STXBP5: variants seen among roughly 807,000 people sequenced by gnomAD.
STXBP5 encodes the protein syntaxin binding protein 5.
In STXBP5, 50 loss-of-function variants were observed where a neutral mutation model predicts 152.4. That is an observed-to-expected ratio of 0.33 (90% CI 0.26 to 0.42). The LOEUF (loss-of-function observed/expected upper bound fraction) is 0.42. Ranked by LOEUF, STXBP5 falls within the 10% of genes least tolerant of loss-of-function variation. The pLI is 1.00. For synonymous variants in STXBP5, 492 were observed against 494.7 expected (o/e 0.99, Z 0.07); for missense variants, 1,167 against 1,388.6 (o/e 0.84, Z 2.54).
intron 22 of STXBP5, among the ~76,000 whole-genome samples, chr6:147,354,741 A>G (rs1379634801): frequency 6.6e-6 from 1 of 152,192 alleles, no homozygotes; most frequent in African/African-American, 2.4e-5. Context: ...TAATTTAATT[A>G]AAGTATGTAC....
chr6:147,311,070 T>C (rs180979511), intron 10 of STXBP5, among the ~76,000 whole-genome samples: 15 of 152,278 alleles, frequency 9.9e-5, no homozygotes, highest in African/African-American at 3.1e-4. Flanking sequence ...TTTACAGTTA[T>C]TGACAGGCAC....
Position 147,382,890 on chromosome 6 carries a change from A to T in STXBP5, c.3306A>T (p.Ala1102=). The change falls in exon 27 of 28, where the codon GCA becomes GCT. Residue 1102 remains alanine (A), a synonymous_variant. Transcript: ENST00000321680. ...CATCTGGAGTTGTTGGTGAATTAGC[A>T]CGAGCCAGGCTGGCACTAGATGAAA... is the stretch of plus-strand genomic sequence containing the variant. The part of the protein sequence containing the change: ...GAASGVVGEL[A]RARLALDERG... The T allele has an allele frequency of 1.9e-6, 3 of 1,613,530 alleles. No individual in the cohort carries two copies. Among genetic ancestry groups the T allele is most frequent in the Non-Finnish European group, 2.5e-6 (3 of 1,179,692 alleles).
intron 18 of STXBP5, chr6:147,328,679 C>G (rs1783398440): frequency 2.1e-6 from 1 of 468,342 alleles, no homozygotes; most frequent in Admixed American, 2.4e-5. Context: ...ATTTCTTCCG[C>G]TTTTCATTGC....
At chr6:147,341,877 A>G (rs1056710643) in intron 21 of STXBP5, among the ~76,000 whole-genome samples, 1 of 151,964 alleles carries the variant, frequency 6.6e-6, no homozygotes, top group Non-Finnish European at 1.5e-5. Context: ...CCAGCTTTTT[A>G]TAAATAATTT....
At chr6:147,316,111 C>A in intron 15 of STXBP5, 118 bp from the exon 16 acceptor site, 1 of 1,021,004 alleles carries the variant, frequency 9.8e-7, no homozygotes, top group South Asian at 1.8e-5. Flanking sequence ...AAATTTTTAC[C>A]TTTAAAAATC....
At chr6:147,337,504 CTTGTT>C (rs1783890880) in intron 19 of STXBP5, among the ~76,000 whole-genome samples, 2 of 151,778 alleles carry the variant, frequency 1.3e-5, no homozygotes, top group South Asian at 2.1e-4. Flanking sequence ...AATAAACCTC[CTTGTT>C]TTGTTTACAT....
intron 4 of STXBP5, among the ~76,000 whole-genome samples, chr6:147,254,922 A>G (rs990103710): frequency 6.6e-6 from 1 of 152,244 alleles, no homozygotes; most frequent in Non-Finnish European, 1.5e-5. Flanking sequence ...TTCCTCAAGG[A>G]TCTACAACCA....
chr6:147,387,865 A>G lies in STXBP5; in HGVS notation c.*3110A>G, dbSNP rs1786416633. ...TCATGTAGATATGTGAGTGTTTTAAACAAGTCTGAAAGTGTTACATACTTT... is the reference window on the plus strand; with the variant it reads ...TCATGTAGATATGTGAGTGTTTTAAGCAAGTCTGAAAGTGTTACATACTTT... On this transcript the variant is annotated 3_prime_UTR_variant, in exon 28 of 28. Transcript: ENST00000321680. The G allele has an allele frequency of 6.6e-6, 1 of 151,694 alleles. No individual in the cohort carries two copies. The highest frequency in any genetic ancestry group is 1.5e-5 in the Non-Finnish European group (1 of 67,732). 9.4% of individuals were successfully genotyped at this position (151,694 alleles called of 1,614,324 possible). A position where few individuals can be genotyped will look rare whatever the true frequency, so the allele number is the denominator to read the frequency against.
chr6:147,226,764 A>G (rs1021708915), intron 2 of STXBP5, among the ~76,000 whole-genome samples: 1 of 152,196 alleles, frequency 6.6e-6, no homozygotes, highest in South Asian at 2.1e-4. Context: ...TATTGCTTTT[A>G]TAATTCTGTT....
chr6:147,232,294 C>T (rs527779341), intron 2 of STXBP5, among the ~76,000 whole-genome samples: 2 of 151,766 alleles, frequency 1.3e-5, no homozygotes, highest in South Asian at 2.1e-4. Context: ...AACAACCTAC[C>T]CAGGCATCTC....
chr6:147,218,272 C>G (rs561337393), intron 2 of STXBP5, among the ~76,000 whole-genome samples: 22 of 152,122 alleles, frequency 1.4e-4, no homozygotes, highest in Non-Finnish European at 3.1e-4. Context: ...AATTACATGT[C>G]TTTCATCATT....
chr6:147,235,433 A>G (rs1002222062), intron 3 of STXBP5, 102 bp downstream of exon 3: 2 of 883,944 alleles, frequency 2.3e-6, no homozygotes, highest in Admixed American at 2.5e-5. Flanking sequence ...ACATATTTGA[A>G]CAAAAATTAA....
At chr6:147,291,210 A>T (rs754511607) in intron 9 of STXBP5, 38 bp downstream of exon 9, 2 of 1,530,496 alleles carry the variant, frequency 1.3e-6, no homozygotes, top group Admixed American at 1.7e-5. Context: ...CATTGTATAT[A>T]AGTCCTCAAA....
intron 21 of STXBP5, among the ~76,000 whole-genome samples, chr6:147,341,369 A>G (rs1784085527): frequency 6.6e-6 from 1 of 152,158 alleles, no homozygotes; most frequent in Non-Finnish European, 1.5e-5. Context: ...TGTGGTGTCA[A>G]AAGTATTAGG....
chr6:147,248,040 G>T (rs7742922), intron 4 of STXBP5, among the ~76,000 whole-genome samples: 7,791 of 152,228 alleles, frequency 0.051, 548 homozygotes, highest in East Asian at 0.27. Context: ...AGCAATTTGG[G>T]AGGCCAAGGT....
chr6:147,260,526 G>C, intron 4 of STXBP5, 89 bp from the exon 5 acceptor site: 1 of 1,481,044 alleles, frequency 6.8e-7, no homozygotes, highest in Non-Finnish European at 9.4e-7. Flanking sequence ...TGCTGTTCCT[G>C]AATTATATAT....
intron 21 of STXBP5, among the ~76,000 whole-genome samples, chr6:147,345,757 A>G (rs899242890): frequency 6.6e-6 from 1 of 152,216 alleles, no homozygotes; most frequent in Non-Finnish European, 1.5e-5. Context: ...AGTGGGTAGA[A>G]AAACTAAAGG....
intron 3 of STXBP5, among the ~76,000 whole-genome samples, chr6:147,235,788 T>A (rs1778241057): frequency 6.6e-6 from 1 of 152,172 alleles, no homozygotes; most frequent in Non-Finnish European, 1.5e-5. Flanking sequence ...ACTTAATTGC[T>A]TTAAGTAATT....
In STXBP5 at chr6:147,364,924, CAAG is replaced by C. The variant is rs36048758; in HGVS notation, c.3081+762_3081+764del. ...ATTTTTAGAACATGAGCTTTAGAGT[CAAG>C]AAGGCTGAATTCAAGTCCATCTTGC... On this transcript the variant is annotated intron_variant, in intron 25 of 27. Coordinates refer to ENST00000321680, the MANE Select transcript of STXBP5 (RefSeq NM_001127715.4). Among the ~76,000 whole-genome samples, 1,163 of 152,166 alleles carry C rather than the reference CAAG, an allele frequency of 7.6e-3. 16 individuals are homozygous for C. The highest frequency in any genetic ancestry group is 0.026 in the African/African-American group (1,069 of 41,524).
Sources: allele counts gnomAD v4.1 joint callset (sites outside exome capture counted in the v4.1 genomes callset), GRCh38; gene constraint gnomAD v4.1.1; transcripts MANE v1.5; gene names NCBI Gene and HGNC (gene_info 2026-07-23, HGNC 2026-07-21).